Variants in CTNNA2 observed in about 807,000 individuals in gnomAD.
CTNNA2 encodes catenin alpha-2.
Under a neutral mutation model 101.0 loss-of-function variants are expected in CTNNA2, and 42 were observed. The ratio of observed to expected loss-of-function variants is 0.42; its 90% CI spans 0.32 to 0.54. The LOEUF (loss-of-function observed/expected upper bound fraction) is 0.54, where lower values mean the gene tolerates loss of function less well. Among genes scored for constraint, CTNNA2 ranks in the 20% least tolerant of loss-of-function variants. The pLI, the probability that CTNNA2 is intolerant of heterozygous loss-of-function variation, is 0.14. For synonymous variants in CTNNA2, 450 were observed against 456.4 expected (o/e 0.99, Z 0.18); for missense variants, 871 against 1,223.1 (o/e 0.71, Z 4.29).
intron 7 of CTNNA2, among the ~76,000 whole-genome samples, chr2:80,160,236 T>G (rs1392519946): frequency 6.6e-6 from 1 of 152,230 alleles, no homozygotes; most frequent in African/African-American, 2.4e-5. Context: ...GTTAAATAGA[T>G]TCTTCCCTCT....
At chr2:79,261,556 A>T (rs779169083) in intron 2 of CTNNA2, among the ~76,000 whole-genome samples, 7 of 152,148 alleles carry the variant, frequency 4.6e-5, no homozygotes, top group Non-Finnish European at 7.4e-5. Flanking sequence ...TTCTGGCGAG[A>T]CCTCCTTCCT....
chr2:79,926,888 G>A (rs1344109257), intron 7 of CTNNA2, among the ~76,000 whole-genome samples: 2 of 151,984 alleles, frequency 1.3e-5, no homozygotes, highest in Non-Finnish European at 2.9e-5. Flanking sequence ...AAAGACAAAT[G>A]CATATCAAGA....
intron 1 of CTNNA2, among the ~76,000 whole-genome samples, chr2:79,536,261 T>C (rs890229368): frequency 3.9e-5 from 6 of 152,198 alleles, no homozygotes; most frequent in Admixed American, 3.9e-4. Flanking sequence ...GAAAGCATGA[T>C]CGCTATTTGG....
intron 2 of CTNNA2, among the ~76,000 whole-genome samples, chr2:79,729,017 A>G (rs1004904637): frequency 1.3e-5 from 2 of 151,850 alleles, no homozygotes; most frequent in Admixed American, 6.6e-5. Flanking sequence ...GCGTGATGCT[A>G]TATAAAACTT....
chr2:80,003,848 T>C (rs1693134249), intron 7 of CTNNA2, among the ~76,000 whole-genome samples: 1 of 152,170 alleles, frequency 6.6e-6, no homozygotes, highest in Non-Finnish European at 1.5e-5. Context: ...TTGATTATTT[T>C]TTAACTCCAT....
At chr2:80,583,895 C>T (rs1180908206) in intron 14 of CTNNA2, among the ~76,000 whole-genome samples, 3 of 151,894 alleles carry the variant, frequency 2.0e-5, no homozygotes, top group Non-Finnish European at 4.4e-5. Flanking sequence ...AAACAGGGTC[C>T]AAGATAGTAA....
intron 9 of CTNNA2, among the ~76,000 whole-genome samples, chr2:80,512,015 T>A (rs1688737355): frequency 6.6e-6 from 1 of 151,892 alleles, no homozygotes; most frequent in Non-Finnish European, 1.5e-5. Context: ...CTGGGCATAG[T>A]GGTGGGCACC....
intron 15 of CTNNA2, among the ~76,000 whole-genome samples, chr2:80,601,193 G>T (rs951696203): frequency 2.6e-5 from 4 of 151,902 alleles, no homozygotes; most frequent in African/African-American, 4.8e-5. Flanking sequence ...ATTTCTTTGG[G>T]TTTTTTCTTC....
chr2:80,112,391 A>G (rs1701271110), intron 7 of CTNNA2, among the ~76,000 whole-genome samples: 1 of 152,170 alleles, frequency 6.6e-6, no homozygotes, highest in Admixed American at 6.5e-5. Context: ...TTATATTACT[A>G]TTTGACCTTT....
intron 1 of CTNNA2, among the ~76,000 whole-genome samples, chr2:79,583,652 G>A (rs371683457): frequency 2.6e-5 from 4 of 152,040 alleles, no homozygotes; most frequent in African/African-American, 9.7e-5. Flanking sequence ...AGCCATATAC[G>A]ATCATTTCAA....
At chr2:80,015,297 A>G (rs1694062876) in intron 7 of CTNNA2, among the ~76,000 whole-genome samples, 1 of 152,064 alleles carries the variant, frequency 6.6e-6, no homozygotes, top group African/African-American at 2.4e-5. Context: ...CTGTATTTGA[A>G]ATTAAACCAA....
intron 4 of CTNNA2, among the ~76,000 whole-genome samples, chr2:79,439,558 G>A (rs1678755698): frequency 6.6e-6 from 1 of 152,170 alleles, no homozygotes; most frequent in South Asian, 2.1e-4. Context: ...TGAATGGGTA[G>A]CTTGTTTGAC....
rs574761889 is a variant in CTNNA2 at position 79,937,558 on chromosome 2, ATATTAC to A, written c.1056+27765_1056+27770del. On this transcript the variant is annotated intron_variant, in intron 7 of 18. Coordinates refer to ENST00000402739, the MANE Select transcript of CTNNA2 (RefSeq NM_001282597.3). ...CATCTGTATTTACAAGGCTAATGGT[ATATTAC>A]TATGCCTTCAAAGGAACATTAGTAT... 1.2e-4 allele frequency among the ~76,000 whole-genome samples: 18 copies of A among 152,338 alleles called. No homozygotes were observed. The East Asian group carries it at 3.3e-3, about 28-fold the overall frequency.
Position 79,925,239 on chromosome 2 carries a change from A to G in CTNNA2, c.1056+15442A>G, listed in dbSNP as rs115480339. Among the ~76,000 whole-genome samples, 645 of 152,190 alleles carry G rather than the reference A, an allele frequency of 4.2e-3. 3 individuals are homozygous for G. The highest frequency in any genetic ancestry group is 0.014 in the African/African-American group (578 of 41,546). ...CCTCTGTAATATTATTTTACATATT[A>G]GTCTTGAACTTATGTCTTTTTAATC... On this transcript the variant is annotated intron_variant, in intron 7 of 18. Coordinates refer to ENST00000402739, the MANE Select transcript of CTNNA2 (RefSeq NM_001282597.3).
At chr2:80,009,502 G>C (rs1693613754) in intron 7 of CTNNA2, among the ~76,000 whole-genome samples, 1 of 152,156 alleles carries the variant, frequency 6.6e-6, no homozygotes, top group Non-Finnish European at 1.5e-5. Flanking sequence ...TAGTGTGTTT[G>C]TACTTCGCAA....
chr2:79,266,015 A>C (rs900863318), intron 2 of CTNNA2, among the ~76,000 whole-genome samples: 62 of 152,280 alleles, frequency 4.1e-4, no homozygotes, highest in African/African-American at 1.4e-3. Flanking sequence ...AAATTAAATA[A>C]ACATAAAAGT....
intron 7 of CTNNA2, among the ~76,000 whole-genome samples, chr2:79,933,422 A>C (rs534600444): frequency 6.6e-6 from 1 of 152,098 alleles, no homozygotes; most frequent in South Asian, 2.1e-4. Context: ...AAAGAGGCTG[A>C]AATTCAAATC....
chr2:79,325,579 C>T (rs1166811426), intron 3 of CTNNA2, among the ~76,000 whole-genome samples: 3 of 152,150 alleles, frequency 2.0e-5, no homozygotes, highest in African/African-American at 4.8e-5. Context: ...GTATTGAATG[C>T]AGTGTCCCCA....
intron 3 of CTNNA2, among the ~76,000 whole-genome samples, chr2:79,829,402 CACACACACACACAGACACAA>C (rs1385201251): frequency 4.8e-5 from 7 of 145,342 alleles, no homozygotes; most frequent in African/African-American, 1.8e-4. Flanking sequence ...CACACACACA[CACACACACACACAGACACAA>C]AGCCGGGCGA....
Sources: allele counts gnomAD v4.1 joint callset (sites outside exome capture counted in the v4.1 genomes callset), GRCh38; gene constraint gnomAD v4.1.1; transcripts MANE v1.5; gene names NCBI Gene and HGNC (gene_info 2026-07-23, HGNC 2026-07-21).